LOC128125817: variants seen among roughly 807,000 people sequenced by gnomAD.
At chr1:41,604,393 T>G in the LOC128125817 span, among the ~76,000 whole-genome samples, 1 of 152,158 alleles carries the variant, frequency 6.6e-6, no homozygotes. Flanking sequence ...CTTACAGATA[T>G]AATAATAAGT....
At chr1:41,607,632 A>G in the LOC128125817 span, among the ~76,000 whole-genome samples, 1 of 149,404 alleles carries the variant, frequency 6.7e-6, no homozygotes, top group Admixed American at 6.7e-5. Flanking sequence ...CTTCTCTTTC[A>G]TTCTATTGGT....
At chr1:41,589,045 C>G in the LOC128125817 span, among the ~76,000 whole-genome samples, 1 of 152,202 alleles carries the variant, frequency 6.6e-6, no homozygotes, top group Non-Finnish European at 1.5e-5. Flanking sequence ...GACCAACAGA[C>G]ACTAAGAAAA....
the LOC128125817 span, among the ~76,000 whole-genome samples, chr1:41,589,336 C>A: frequency 7.7e-3 from 1,180 of 152,312 alleles, 7 homozygotes; most frequent in Non-Finnish European, 0.011. Flanking sequence ...GCTTCAGCAG[C>A]CAACTGGTTA....
chr1:41,601,083 C>T, the LOC128125817 span, among the ~76,000 whole-genome samples: 2 of 152,102 alleles, frequency 1.3e-5, no homozygotes, highest in Admixed American at 6.5e-5. Context: ...GGATTTATTT[C>T]GGGTTCTCTG....
At chr1:41,615,815 C>CTTTTT in the LOC128125817 span, among the ~76,000 whole-genome samples, 49 of 47,026 alleles carry the variant, frequency 1.0e-3, 3 homozygotes, top group East Asian at 8.5e-4. Context: ...TTTGACAAGT[C>CTTTTT]TTTTTTTTTT....
the LOC128125817 span, among the ~76,000 whole-genome samples, chr1:41,627,813 G>C: frequency 3.3e-5 from 5 of 152,058 alleles, no homozygotes; most frequent in Admixed American, 6.5e-5. Context: ...TAGATTCCTG[G>C]GTCCCCAACC....
chr1:41,619,048 G>A, the LOC128125817 span, among the ~76,000 whole-genome samples: 2 of 146,910 alleles, frequency 1.4e-5, no homozygotes, highest in East Asian at 2.0e-4. Context: ...AGCCTCCTTC[G>A]GCAGGACAGC....
chr1:41,597,026 T>C, the LOC128125817 span, among the ~76,000 whole-genome samples: 15 of 152,304 alleles, frequency 9.8e-5, no homozygotes, highest in East Asian at 2.7e-3. Context: ...TGGGAGGCTC[T>C]TAAATCATTT....
At chr1:41,589,143 A>C in the LOC128125817 span, among the ~76,000 whole-genome samples, 1 of 152,088 alleles carries the variant, frequency 6.6e-6, no homozygotes, top group Non-Finnish European at 1.5e-5. Context: ...CCACTTTTCC[A>C]GGGAATTGGT....
At chr1:41,624,267 C>T in the LOC128125817 span, among the ~76,000 whole-genome samples, 3 of 152,166 alleles carry the variant, frequency 2.0e-5, no homozygotes, top group East Asian at 5.8e-4. Flanking sequence ...GGGGTAGTCT[C>T]CAAATTGTGT....
chr1:41,592,584 C>G, the LOC128125817 span, among the ~76,000 whole-genome samples: 1 of 152,300 alleles, frequency 6.6e-6, no homozygotes, highest in Admixed American at 6.5e-5. Flanking sequence ...CAACCCTCCC[C>G]GTGGGACTGA....
At chr1:41,628,025 C>A in the LOC128125817 span, among the ~76,000 whole-genome samples, 1 of 152,182 alleles carries the variant, frequency 6.6e-6, no homozygotes, top group African/African-American at 2.4e-5. Flanking sequence ...TAACACTGCA[C>A]ACCTAACCTG....
At chr1:41,585,398 T>G in the LOC128125817 span, 1 of 398,508 alleles carries the variant, frequency 2.5e-6, no homozygotes, top group African/African-American at 2.1e-5. Flanking sequence ...ATGCACAGCC[T>G]GGGCAGCCCA....
At chr1:41,627,806 A>C in the LOC128125817 span, among the ~76,000 whole-genome samples, 1 of 152,080 alleles carries the variant, frequency 6.6e-6, no homozygotes, top group Non-Finnish European at 1.5e-5. Context: ...ATCAATGTAG[A>C]TTCCTGGGTC....
At chr1:41,626,726 G>A in the LOC128125817 span, among the ~76,000 whole-genome samples, 1 of 152,174 alleles carries the variant, frequency 6.6e-6, no homozygotes, top group Non-Finnish European at 1.5e-5. Context: ...CTAAGTTGAG[G>A]TACCAGGAAG....
At chr1:41,626,549 C>T in the LOC128125817 span, among the ~76,000 whole-genome samples, 237 of 152,306 alleles carry the variant, frequency 1.6e-3, no homozygotes, top group Non-Finnish European at 3.0e-3. Context: ...CCCATCTGTA[C>T]TCCCTGGACA....
At chr1:41,607,098 T>C in the LOC128125817 span, among the ~76,000 whole-genome samples, 2 of 152,116 alleles carry the variant, frequency 1.3e-5, no homozygotes, top group Admixed American at 1.3e-4. Context: ...TGCTGGATTA[T>C]AGGTGTGAGC....
the LOC128125817 span, among the ~76,000 whole-genome samples, chr1:41,621,726 C>G: frequency 6.6e-6 from 1 of 152,142 alleles, no homozygotes; most frequent in Admixed American, 6.5e-5. Flanking sequence ...CTACCTTGCC[C>G]ATTCTAGTCT....
chr1:41,615,815 CTTTTTTTTTTTTTT>C, the LOC128125817 span, among the ~76,000 whole-genome samples: 17 of 47,022 alleles, frequency 3.6e-4, no homozygotes, highest in Admixed American at 1.1e-3. Flanking sequence ...TTTGACAAGT[CTTTTTTTTTTTTTT>C]TTTTTTTTTT....
Sources: allele counts gnomAD v4.1 joint callset (sites outside exome capture counted in the v4.1 genomes callset), GRCh38; gene constraint gnomAD v4.1.1; transcripts MANE v1.5.